The following PCSK4 variants were observed in gnomAD, a reference collection of about 807,000 sequenced individuals.
PCSK4 encodes the protein testicular tissue protein Li 135.
PCSK4 carries 64 observed loss-of-function variants against 80.3 expected under a neutral mutation model. That is an observed-to-expected ratio of 0.80 (90% CI 0.65 to 0.98). The LOEUF (loss-of-function observed/expected upper bound fraction) is 0.98, where lower values mean the gene tolerates loss of function less well. Among genes scored for constraint, PCSK4 ranks in the 50% least tolerant of loss-of-function variants. The probability of loss-of-function intolerance (pLI) is 0.00; values close to 1 mark genes in which losing one functional copy is unlikely to be tolerated. For missense variants in PCSK4, 1,213 were observed against 1,093.6 expected (o/e 1.11, Z -1.54); for synonymous variants, 561 against 487.6 (o/e 1.15, Z -1.98).
chr19:1,487,012 C>T (rs750188418), exon 8 of PCSK4: 3 of 1,608,924 alleles, frequency 1.9e-6, no homozygotes, highest in Non-Finnish European at 2.5e-6. Flanking sequence ...TGTCGTAGTG[C>T]AGGCCGCCGT....
intron 9 of PCSK4, 33 bp from the exon 10 acceptor site, chr19:1,483,974 G>T (rs1194484408): frequency 1.4e-6 from 2 of 1,441,964 alleles, no homozygotes; most frequent in Non-Finnish European, 1.8e-6. Flanking sequence ...CGGGTGAGCC[G>T]CCGGGCCGCG....
At chr19:1,482,823 G>A (rs1235263781) in intron 13 of PCSK4, 73 bp downstream of exon 13, 3 of 1,541,462 alleles carry the variant, frequency 1.9e-6, no homozygotes, top group Admixed American at 3.4e-5. Flanking sequence ...CGGTCACCAA[G>A]GCTAGCTCCA....
At chr19:1,486,529 C>T (rs2145390981) in intron 8 of PCSK4, among the ~76,000 whole-genome samples, 1 of 152,048 alleles carries the variant, frequency 6.6e-6, no homozygotes, top group African/African-American at 2.4e-5. Context: ...ATCTCCCGAC[C>T]TCGTGATCCA....
chr19:1,489,451 G>C, intron 2 of PCSK4: 1 of 272,134 alleles, frequency 3.7e-6, no homozygotes, highest in Non-Finnish European at 7.1e-6. Flanking sequence ...CTACTCTTTG[G>C]AACCCATTAC....
exon 15 of PCSK4, chr19:1,481,837 G>A: frequency 6.4e-7 from 1 of 1,565,944 alleles, no homozygotes; most frequent in South Asian, 1.2e-5. Context: ...ATAGTGGGAG[G>A]TCCATGGACA....
At chr19:1,481,977 T>C (rs1430667714) in exon 15 of PCSK4, 3 of 1,596,266 alleles carry the variant, frequency 1.9e-6, no homozygotes, top group South Asian at 2.2e-5. Flanking sequence ...GTGGGTCCCA[T>C]GCAGGAGCCC....
At chr19:1,487,055 C>A in exon 8 of PCSK4, 1 of 1,605,622 alleles carries the variant, frequency 6.2e-7, no homozygotes, top group South Asian at 1.1e-5. Context: ...CGTGCCCAGC[C>A]CGCCGCGGCC....
At chr19:1,489,855 C>T (rs1215110593) in exon 2 of PCSK4, 1 of 1,610,752 alleles carries the variant, frequency 6.2e-7, no homozygotes, top group Non-Finnish European at 8.5e-7. Context: ...TGCTGGACCA[C>T]GCCCCGGTGC....
intron 8 of PCSK4, among the ~76,000 whole-genome samples, chr19:1,485,852 C>CT (rs1277881594): frequency 1.3e-5 from 2 of 152,144 alleles, no homozygotes; most frequent in Non-Finnish European, 2.9e-5. Flanking sequence ...GCCTGGACGA[C>CT]AGAGCCAGAC....
exon 3 of PCSK4, chr19:1,488,193 A>T: frequency 6.2e-7 from 1 of 1,613,510 alleles, no homozygotes; most frequent in Non-Finnish European, 8.5e-7. Context: ...CTCACCATGT[A>T]CCACTGCTTG....
intron 8 of PCSK4, among the ~76,000 whole-genome samples, chr19:1,485,564 A>G (rs1473731181): frequency 1.3e-5 from 2 of 150,954 alleles, no homozygotes; most frequent in African/African-American, 4.9e-5. Flanking sequence ...ACAGAGCGAG[A>G]CTCCATCTCA....
rs2084833475 is a variant in PCSK4, at chr19:1,489,656, C to T, written c.294+137G>A. On this transcript the variant is annotated intron_variant, in intron 2 of 14. Coordinates refer to ENST00000300954, the Ensembl canonical transcript of PCSK4. ...TTCCTGCCTCCTCTTGCTGTATAGA[C>T]TTGGGGCCCGGGCGGGTCTGAGCCA... 4 of 1,438,552 alleles carry T rather than the reference C, an allele frequency of 2.8e-6. No homozygotes were observed. The Admixed American group carries it at 7.1e-5, about 26-fold the overall frequency. The allele number at this position is 1,438,552 out of a possible 1,614,324, so 89.1% of individuals were successfully genotyped here. A position where few individuals can be genotyped will look rare whatever the true frequency, so the allele number is the denominator to read the frequency against.
intron 8 of PCSK4, 115 bp from the exon 9 acceptor site, chr19:1,484,242 C>G: frequency 1.6e-6 from 1 of 612,612 alleles, no homozygotes. Context: ...CATCCCAGCA[C>G]TTTGGGAGGC....
rs150434057 is a variant in PCSK4, at chr19:1,481,904, G to C, written c.2123C>G (p.Ser708Trp). ...GGCCAGGAGGCTCAGCACCATGGCC[G>C]AGGCTGGGCAGCGGTGGTGGGGACA... is the stretch of plus-strand genomic sequence containing the variant. Residue 708 changes from serine to tryptophan, a missense_variant, in exon 15 of 15, where the codon TCG (serine) becomes TGG (tryptophan). By Grantham distance (177) the Ser-to-Trp change is radical. Transcript: ENST00000300954. The C allele has an allele frequency of 9.1e-5, 145 of 1,595,196 alleles. No homozygotes were observed. In the African/African-American group the frequency reaches 1.6e-3, roughly 17 times the overall value.
Position 1,487,188 on chromosome 19 carries a change from C to T in PCSK4, c.808G>A (p.Gly270Ser), listed in dbSNP as rs775405609. 32 of 1,607,930 alleles carry T rather than the reference C, an allele frequency of 2.0e-5. No individual in the cohort carries two copies. The highest frequency in any genetic ancestry group is 1.3e-4 in the South Asian group (12 of 90,986). ...GCCTCGCGGGTGAGGATGCCGGGGC[C>T]GTCCACCGTGCGGCCGTCGTCCTCG... The change falls in exon 7 of 15, where the codon GGC becomes AGC. Residue 270 changes from glycine to serine, a missense_variant. Transcript: ENST00000300954.
At chr19:1,481,633 A>G in exon 15 of PCSK4, 1 of 592,474 alleles carries the variant, frequency 1.7e-6, no homozygotes, top group Non-Finnish European at 2.8e-6. Context: ...CACGGGGCCC[A>G]TCCCTGGCAG....
intron 2 of PCSK4, among the ~76,000 whole-genome samples, chr19:1,489,144 T>A (rs2084798085): frequency 6.6e-6 from 1 of 150,548 alleles, no homozygotes; most frequent in Admixed American, 6.6e-5. Context: ...TTTTTTTTTT[T>A]TTTTTGAGAC....
chr19:1,487,752 G>A (rs755222792), intron 5 of PCSK4, 33 bp downstream of exon 5: 12 of 1,551,416 alleles, frequency 7.7e-6, no homozygotes, highest in African/African-American at 5.4e-5. Flanking sequence ...GGGTACTGGG[G>A]CTTCCCCCGT....
rs776576252 is a variant in PCSK4 at position 1,483,815 on chromosome 19, G to C, written c.1273+23C>G. ...CTCGCCCCGTGGGCCCCGGGTCCCC[G>C]CCCCCGCCCGGCCCCGCCGCACCTT... On this transcript the variant is annotated intron_variant, in intron 10 of 14. Transcript: ENST00000300954. 2.0e-6 allele frequency: 3 copies of C among 1,487,126 alleles called. No homozygotes were observed. The Admixed American group carries it at 6.7e-5, about 33-fold the overall frequency. The allele number at this position is 1,487,126 out of a possible 1,614,324, so 92.1% of individuals were successfully genotyped here. A position where few individuals can be genotyped will look rare whatever the true frequency, so the allele number is the denominator to read the frequency against.
Sources: gnomAD v4.1 joint callset for allele counts (sites outside exome capture counted in the v4.1 genomes callset) on GRCh38, gnomAD v4.1.1 for gene constraint, MANE v1.5 for transcripts, NCBI Gene and HGNC (gene_info 2026-07-23, HGNC 2026-07-21) for gene names.